Variants in TPO observed in about 807,000 individuals in gnomAD.
TPO encodes the protein thyroid peroxidase.
TPO carries 78 observed loss-of-function variants against 96.9 expected under a neutral mutation model. That is an observed-to-expected ratio of 0.81 (90% CI 0.67 to 0.97). The LOEUF is 0.97. TPO is among the 50% of genes least tolerant of loss of function. TPO has a pLI of 0.00. For synonymous variants in TPO, 547 were observed against 538.0 expected, an observed-to-expected ratio of 1.02 and a Z score of -0.23; for missense variants, 1,252 against 1,274.8, an observed-to-expected ratio of 0.98 and a Z score of 0.27.
chr2:1,400,647 T>TAA (rs1402802187), intron 1 of TPO, among the ~76,000 whole-genome samples: 1 of 150,556 alleles, frequency 6.6e-6, no homozygotes, highest in African/African-American at 2.5e-5. Flanking sequence ...AAATTTCACT[T>TAA]ATGATGTGCA....
intron 10 of TPO, among the ~76,000 whole-genome samples, chr2:1,490,042 GAC>G (rs1370404636): frequency 1.7e-4 from 13 of 78,574 alleles, no homozygotes; most frequent in African/African-American, 8.3e-4. Flanking sequence ...GGGGAGTCGC[GAC>G]ACAGCAGTGT....
intron 15 of TPO, among the ~76,000 whole-genome samples, chr2:1,533,872 C>A (rs1678909339): frequency 1.0e-5 from 1 of 99,636 alleles, no homozygotes; most frequent in South Asian, 4.3e-4. Flanking sequence ...CTCCCCAAAT[C>A]CCCCCCACTC....
chr2:1,475,605 A>G (rs1355775994), intron 7 of TPO, among the ~76,000 whole-genome samples: 8 of 151,616 alleles, frequency 5.3e-5, no homozygotes, highest in African/African-American at 1.7e-4. Flanking sequence ...TTGTATTTTA[A>G]GTAGAGACGG....
intron 11 of TPO, among the ~76,000 whole-genome samples, chr2:1,494,719 A>C (rs1007243611): frequency 1.3e-5 from 2 of 152,098 alleles, no homozygotes; most frequent in Non-Finnish European, 2.9e-5. Context: ...AGCAATAGGA[A>C]AATGTTTTCT....
At chr2:1,493,736 G>C (rs1488822059) in intron 10 of TPO, 66 bp from the exon 11 acceptor site, 2 of 1,581,846 alleles carry the variant, frequency 1.3e-6, no homozygotes, top group African/African-American at 2.7e-5. Flanking sequence ...ACCATGGCAT[G>C]AGTGAGATGG....
chr2:1,518,658 C>A (rs1157108897), intron 15 of TPO, among the ~76,000 whole-genome samples: 1 of 152,220 alleles, frequency 6.6e-6, no homozygotes, highest in Non-Finnish European at 1.5e-5. Flanking sequence ...TAGCTTCTAA[C>A]AAAACTAACA....
rs28915688 is a variant in TPO, at chr2:1,542,587, G to T, written c.*113G>T. ...AGCAGGACGACTGTTTTCCCAACAC[G>T]GGTAAATCTAGTACCATGTCGTAGT... On this transcript the variant is annotated 3_prime_UTR_variant, in exon 17 of 17. Coordinates refer to ENST00000329066, the MANE Select transcript of TPO (RefSeq NM_001206744.2). 4.5e-6 allele frequency: 7 copies of T among 1,564,366 alleles called. No individual in the cohort carries two copies. The highest frequency in any genetic ancestry group is 6.1e-6 in the Non-Finnish European group (7 of 1,153,584).
intron 3 of TPO, among the ~76,000 whole-genome samples, chr2:1,427,560 C>A (rs1005794233): frequency 3.9e-5 from 6 of 152,192 alleles, no homozygotes; most frequent in Non-Finnish European, 8.8e-5. Flanking sequence ...TGGCAAAGAG[C>A]GGGCACTGCA....
rs570714420 is a variant in TPO, at chr2:1,476,807, C to T, written c.820-279C>T. 1.8e-4 allele frequency among the ~76,000 whole-genome samples: 27 copies of T among 150,838 alleles called. No homozygotes were observed. In the East Asian group the frequency reaches 5.1e-3, roughly 29 times the overall value. On this transcript the variant is annotated intron_variant, in intron 7 of 16. Transcript: ENST00000329066. ...GGAGGTGCGGGGCTGGCTGGACCGA[C>T]CCCTGCAGCCTCTTCCAGGCAAGAG...
intron 13 of TPO, 114 bp downstream of exon 13, chr2:1,496,879 T>G: frequency 2.0e-6 from 3 of 1,485,600 alleles, no homozygotes; most frequent in Non-Finnish European, 2.8e-6. Context: ...AACTGTTATC[T>G]TCCCAGGAGC....
chr2:1,515,616 A>G lies in TPO; in HGVS notation c.2519-1267A>G, dbSNP rs190732772. On this transcript the variant is annotated intron_variant, in intron 14 of 16. Coordinates refer to ENST00000329066, the MANE Select transcript of TPO (RefSeq NM_001206744.2). ...ACCACCTGTGTCTGGGCTGGGAAAG[A>G]CCCATGATAGGAAGACAGCCATGGA... Among the ~76,000 whole-genome samples, 13 of 152,228 alleles carry G rather than the reference A, an allele frequency of 8.5e-5. No individual in the cohort carries two copies. The East Asian group carries it at 2.5e-3, about 29-fold the overall frequency.
chr2:1,435,482 C>CT (rs369644047), intron 4 of TPO, among the ~76,000 whole-genome samples: 24 of 151,948 alleles, frequency 1.6e-4, no homozygotes, highest in East Asian at 3.9e-4. Flanking sequence ...TCCTTCCTGG[C>CT]TTTTTTTTCT....
chr2:1,484,907 T>G, intron 9 of TPO, 53 bp downstream of exon 9: 4 of 1,603,800 alleles, frequency 2.5e-6, no homozygotes, highest in Non-Finnish European at 3.4e-6. Context: ...CCTTCTTTTT[T>G]TAATTTTTTT....
rs1420719625 is a variant in TPO, at chr2:1,461,304, TATAAAG to T, written c.819+5028_819+5033del. ...TCAGTTATGTGGATGGCTGCGTTCG[TATAAAG>T]ATAAATATATTAATGTGGGTTCAAA... On this transcript the variant is annotated intron_variant, in intron 7 of 16. Transcript: ENST00000329066. Among the ~76,000 whole-genome samples the T allele has an allele frequency of 7.9e-5, 12 of 152,330 alleles. No homozygotes were observed. The South Asian group carries it at 1.5e-3, about 18-fold the overall frequency.
intron 3 of TPO, 83 bp from the exon 4 acceptor site, chr2:1,433,355 A>G (rs1205996221): frequency 2.6e-6 from 4 of 1,546,640 alleles, no homozygotes; most frequent in Non-Finnish European, 3.6e-6. Flanking sequence ...TACTCAATAA[A>G]TGTCTGCTTA....
chr2:1,476,153 CT>C (rs1409067588), intron 7 of TPO, among the ~76,000 whole-genome samples: 1 of 152,220 alleles, frequency 6.6e-6, no homozygotes, highest in Non-Finnish European at 1.5e-5. Flanking sequence ...CTTATTTTCA[CT>C]GGTAATAATA....
chr2:1,478,500 G>A lies in TPO; in HGVS notation c.1338+896G>A, dbSNP rs115422130. 7.2e-3 allele frequency among the ~76,000 whole-genome samples: 1,095 copies of A among 152,354 alleles called. 10 individuals carry two copies. The highest frequency in any genetic ancestry group is 0.025 in the African/African-American group (1,045 of 41,594). On this transcript the variant is annotated intron_variant, in intron 8 of 16. Transcript: ENST00000329066. The stretch of plus-strand genomic sequence containing the variant: ...GGCACCGGCTGCCCCCGGGCACCAT[G>A]CGCCCCTGCCGCTTTCTGGCCTTCA...
chr2:1,507,895 G>T (rs550863163), intron 14 of TPO, among the ~76,000 whole-genome samples: 149 of 152,192 alleles, frequency 9.8e-4, no homozygotes, highest in African/African-American at 2.3e-3. Context: ...CTGCCTGATT[G>T]CCCTGGCCAG....
intron 2 of TPO, 91 bp from the exon 3 acceptor site, chr2:1,422,954 G>A (rs2148444833): frequency 9.7e-6 from 14 of 1,436,568 alleles, no homozygotes; most frequent in South Asian, 3.5e-5. Context: ...GGGCATCACC[G>A]CAGCAAGATG....
Sources: gnomAD v4.1 joint callset for allele counts (sites outside exome capture counted in the v4.1 genomes callset) on GRCh38, gnomAD v4.1.1 for gene constraint, MANE v1.5 for transcripts, NCBI Gene and HGNC (gene_info 2026-07-23, HGNC 2026-07-21) for gene names.